Variants in HEATR4 observed in about 807,000 individuals in gnomAD.
HEATR4 encodes HEAT repeat-containing protein 4.
A neutral mutation model predicts 108.8 loss-of-function variants in HEATR4; 95 were observed. The observed-to-expected ratio is 0.87, with a 90% CI of 0.74 to 1.04. The LOEUF (loss-of-function observed/expected upper bound fraction) is 1.04, where lower values mean the gene tolerates loss of function less well. HEATR4 is among the 50% of genes least tolerant of loss of function. HEATR4 has a pLI of 0.00. For missense variants in HEATR4, 1,152 were observed against 1,253.8 expected (o/e 0.92, Z 1.23); for synonymous variants, 443 against 459.4 (o/e 0.96, Z 0.46).
rs1885098379 is a variant in HEATR4, at chr14:73,478,492, A to C, written c.*114T>G. 1.3e-6 allele frequency: 1 copy of C among 745,268 alleles called. No individual in the cohort carries two copies. The highest frequency in any genetic ancestry group is 1.8e-5 in the African/African-American group (1 of 57,054). The allele number at this position is 745,268 out of a possible 1,614,324, so 46.2% of individuals were successfully genotyped here. ...CATTAAGACATGAGGTCTACTGTTA[A>C]ATAATTTCTCTTTATAAACATAGTG... On this transcript the variant is annotated 3_prime_UTR_variant, in exon 18 of 18. Coordinates refer to ENST00000553558, the MANE Select transcript of HEATR4 (RefSeq NM_001220484.1).
At chr14:73,624,624 A>C in the HEATR4 span, among the ~76,000 whole-genome samples, 12 of 152,176 alleles carry the variant, frequency 7.9e-5, no homozygotes, top group African/African-American at 2.9e-4. Flanking sequence ...AACAAAAAAA[A>C]CCCTCTTTTT....
At chr14:73,567,837 C>T in the HEATR4 span, 2 of 152,072 alleles carry the variant, frequency 1.3e-5, no homozygotes, top group Non-Finnish European at 1.5e-5. Flanking sequence ...GTAACACTCA[C>T]CTTGAAGGTC....
intron 10 of HEATR4, among the ~76,000 whole-genome samples, chr14:73,504,076 C>CT (rs538654870): frequency 1.8e-3 from 224 of 127,732 alleles, no homozygotes; most frequent in South Asian, 5.9e-3. Context: ...TTTTGCATTT[C>CT]TTTTTTTTTT....
the HEATR4 span, among the ~76,000 whole-genome samples, chr14:73,590,446 G>A: frequency 6.6e-6 from 1 of 152,264 alleles, no homozygotes. Flanking sequence ...GTTCGCAGGT[G>A]GAGCTGCCTG....
intron 1 of HEATR4, among the ~76,000 whole-genome samples, chr14:73,535,031 T>A (rs1888817259): frequency 8.7e-6 from 1 of 114,518 alleles, no homozygotes; most frequent in Non-Finnish European, 1.9e-5. Context: ...CTAACCTGCT[T>A]TTTTTCATCA....
the HEATR4 span, among the ~76,000 whole-genome samples, chr14:73,627,280 C>A: frequency 1.3e-5 from 2 of 151,966 alleles, no homozygotes; most frequent in Admixed American, 6.6e-5. Flanking sequence ...TCCCCACACA[C>A]CAGGCAGGCA....
intron 5 of HEATR4, 149 bp downstream of exon 5, chr14:73,518,874 T>C (rs1887799203): frequency 1.5e-6 from 1 of 666,496 alleles, no homozygotes; most frequent in South Asian, 2.7e-5. Context: ...TGTGAGATTA[T>C]TTTTAGTACG....
At chr14:73,576,866 G>GA in the HEATR4 span, among the ~76,000 whole-genome samples, 13 of 70,578 alleles carry the variant, frequency 1.8e-4, no homozygotes, top group African/African-American at 6.6e-4. Context: ...CAATAAACTT[G>GA]TTTTTTTTTT....
the HEATR4 span, chr14:73,575,260 C>A: frequency 2.3e-6 from 2 of 859,136 alleles, no homozygotes; most frequent in East Asian, 2.9e-5. Context: ...GCTAATGAGG[C>A]CTGTAAACGC....
the HEATR4 span, chr14:73,592,112 C>G: frequency 7.8e-6 from 12 of 1,541,010 alleles, no homozygotes; most frequent in African/African-American, 1.4e-5. Context: ...CCCACGCGCG[C>G]TACTGCGCCG....
At chr14:73,614,026 C>CAAAAAA in the HEATR4 span, among the ~76,000 whole-genome samples, 47 of 92,944 alleles carry the variant, frequency 5.1e-4, 1 homozygote, top group Non-Finnish European at 7.9e-4. Flanking sequence ...TCTGTCTCTA[C>CAAAAAA]AAAAAAAAAA....
the HEATR4 span, chr14:73,573,591 G>A: frequency 6.2e-7 from 1 of 1,613,732 alleles, no homozygotes; most frequent in Non-Finnish European, 8.5e-7. Flanking sequence ...TCATCCCGAG[G>A]TTAGTTCTTC....
At chr14:73,571,963 AAAC>A in the HEATR4 span, among the ~76,000 whole-genome samples, 1 of 151,580 alleles carries the variant, frequency 6.6e-6, no homozygotes, top group African/African-American at 2.4e-5. Context: ...ATGCAAAATA[AAAC>A]AACAGAGTAC....
At chr14:73,587,028 T>G in the HEATR4 span, among the ~76,000 whole-genome samples, 1 of 152,134 alleles carries the variant, frequency 6.6e-6, no homozygotes, top group Non-Finnish European at 1.5e-5. Context: ...TTCAATTATT[T>G]GTTTGTATTT....
the HEATR4 span, among the ~76,000 whole-genome samples, chr14:73,568,563 C>T: frequency 6.9e-6 from 1 of 144,670 alleles, no homozygotes; most frequent in African/African-American, 2.5e-5. Flanking sequence ...GACCCTGTCT[C>T]TCAAAAAAAA....
rs963284178 is a variant in HEATR4, at chr14:73,484,233, G to T, written c.2845-5391C>A. Among the ~76,000 whole-genome samples the T allele has an allele frequency of 2.0e-5, 3 of 151,842 alleles. No homozygotes were observed. The South Asian group carries it at 6.2e-4, about 32-fold the overall frequency. ...ATTATTTTATAGGTTATATGAGCAA[G>T]CAAAAGAGTTGGAAATTCAACATCC... On this transcript the variant is annotated intron_variant, in intron 17 of 17. Transcript: ENST00000553558.
Position 73,550,529 on chromosome 14 carries a change from A to G in HEATR4, c.-152+8222T>C. ...CATGTGCACACAGAAGACCACCCGG[A>G]ACATGCTTATTAGCAACACCTCTTC... On this transcript the variant is annotated intron_variant, in intron 1 of 17. Coordinates refer to ENST00000553558, the MANE Select transcript of HEATR4 (RefSeq NM_001220484.1). Among the ~76,000 whole-genome samples, 2 of 113,860 alleles carry G rather than the reference A, an allele frequency of 1.8e-5. 1 individual carries two copies. The allele number at this position is 113,860 out of a possible 152,430, so 74.7% of individuals were successfully genotyped here.
chr14:73,481,965 C>T (rs1485667906), intron 17 of HEATR4, among the ~76,000 whole-genome samples: 1 of 152,034 alleles, frequency 6.6e-6, no homozygotes, highest in African/African-American at 2.4e-5. Context: ...ACCACTGCAA[C>T]TCCAGCTTAG....
rs1830584295 is a variant in HEATR4 at position 73,519,076 on chromosome 14, T to C, written c.1157A>G (p.Lys386Arg). 6.2e-7 allele frequency: 1 copy of C among 1,614,104 alleles called. No individual in the cohort carries two copies. The highest frequency in any genetic ancestry group is 8.5e-7 in the Non-Finnish European group (1 of 1,179,976). Residue 386 changes from lysine (K) to arginine (R), a missense_variant, in exon 5 of 18, where the codon AAG becomes AGG. By Grantham distance (26) the Lys-to-Arg change is conservative (BLOSUM62 2). Coordinates refer to ENST00000553558, the MANE Select transcript of HEATR4 (RefSeq NM_001220484.1). ...NLNRYNKQLSKVFPETPEKWS... is the reference protein window; with the variant it reads ...NLNRYNKQLSRVFPETPEKWS... The stretch of plus-strand genomic sequence containing the variant: ...CTTTTCTGGAGTTTCAGGGAAGACC[T>C]TAGATAGCTGCTTGTTGTACCGATT...
Sources: allele counts gnomAD v4.1 joint callset (sites outside exome capture counted in the v4.1 genomes callset), GRCh38; gene constraint gnomAD v4.1.1; transcripts MANE v1.5; gene names NCBI Gene and HGNC (gene_info 2026-07-23, HGNC 2026-07-21).